The following PRR15L variants were observed in gnomAD, a reference collection of about 807,000 sequenced individuals.
PRR15L encodes the protein proline-rich protein 15-like protein.
A neutral mutation model predicts 3.7 loss-of-function variants in PRR15L; 1 was observed. The observed-to-expected ratio is 0.27, with a 90% CI of 0.09 to 1.27. The LOEUF (loss-of-function observed/expected upper bound fraction) is 1.27, where lower values mean the gene tolerates loss of function less well. Ranked by LOEUF, PRR15L falls within the 50% of genes most tolerant of loss-of-function variation. The probability of loss-of-function intolerance (pLI) is 0.47; values close to 1 mark genes in which losing one functional copy is unlikely to be tolerated. For missense variants in PRR15L, 127 were observed against 128.7 expected (o/e 0.99, Z 0.06); for synonymous variants, 57 against 51.9 (o/e 1.10, Z -0.42).
intron 1 of PRR15L, 147 bp from the exon 2 acceptor site, chr17:47,953,410 G>A (rs969875385): frequency 1.4e-5 from 8 of 570,382 alleles, no homozygotes; most frequent in Non-Finnish European, 2.4e-5. Flanking sequence ...TATAATCCCG[G>A]CACTTTGGGA....
In PRR15L at chr17:47,952,620, C is replaced by A; in HGVS notation, c.*303G>T. The A allele has an allele frequency of 3.3e-6, 1 of 305,232 alleles. No homozygotes were observed. Among genetic ancestry groups the A allele is most frequent in the South Asian group, 7.1e-5 (1 of 14,070 alleles). The allele number at this position is 305,232 out of a possible 1,614,324, so 18.9% of individuals were successfully genotyped here. On this transcript the variant is annotated 3_prime_UTR_variant, in exon 2 of 2. Transcript: ENST00000300557. ...CACTCTCTCCATTCCCTGCCATGCC[C>A]ACCTCCCTGCTGGCCCTGCCATTGC...
chr17:47,955,384 G>A (rs542729473), intron 1 of PRR15L, among the ~76,000 whole-genome samples: 3 of 152,200 alleles, frequency 2.0e-5, no homozygotes, highest in South Asian at 2.1e-4. Context: ...TAGACTTTAC[G>A]ATGAGCTGAA....
intron 1 of PRR15L, among the ~76,000 whole-genome samples, chr17:47,956,327 G>A (rs4793731): frequency 0.27 from 41,665 of 152,112 alleles, 6,386 homozygotes; most frequent in Admixed American, 0.4. Flanking sequence ...AAAAAATTAG[G>A]CGGATGTTGT....
intron 1 of PRR15L, among the ~76,000 whole-genome samples, chr17:47,956,308 C>T (rs751757085): frequency 1.3e-5 from 2 of 152,162 alleles, no homozygotes; most frequent in Non-Finnish European, 2.9e-5. Context: ...ACTAAAAACA[C>T]AAAAACACAA....
chr17:47,956,451 G>A (rs537974471), intron 1 of PRR15L, among the ~76,000 whole-genome samples: 1 of 152,274 alleles, frequency 6.6e-6, no homozygotes, highest in South Asian at 2.1e-4. Context: ...CAGCCTGGGC[G>A]ACACAGTGAG....
At position 47,953,243 on chromosome 17, in the gene PRR15L, C is replaced by G. The variant is rs1598206064; in HGVS notation, c.-9G>C. 1 of 1,555,244 alleles carries G rather than the reference C, an allele frequency of 6.4e-7. No homozygotes were observed. Among genetic ancestry groups the G allele is most frequent in the South Asian group, 1.2e-5 (1 of 81,752 alleles). ...CCAATTTCAGTCGTCATGGCGCTCC[C>G]TAAGCCAAGGATGGGGCTTTCTGCT... is the stretch of plus-strand genomic sequence containing the variant. On this transcript the variant is annotated 5_prime_UTR_variant, in exon 2 of 2. Coordinates refer to ENST00000300557, the MANE Select transcript of PRR15L (RefSeq NM_024320.4).
intron 1 of PRR15L, among the ~76,000 whole-genome samples, chr17:47,955,515 C>T (rs2036119304): frequency 6.6e-6 from 1 of 152,074 alleles, no homozygotes; most frequent in Admixed American, 6.6e-5. Flanking sequence ...ATTGCCAGCT[C>T]TGTCCCTTTA....
chr17:47,955,100 T>C (rs1312649037), intron 1 of PRR15L, among the ~76,000 whole-genome samples: 1 of 152,012 alleles, frequency 6.6e-6, no homozygotes, highest in Non-Finnish European at 1.5e-5. Flanking sequence ...CGGCTAATTT[T>C]GTATTTTTAG....
Position 47,952,909 on chromosome 17 carries a change from C to G in PRR15L, c.*14G>C. ...GGCAGGGAGCCAAGAGGTGCTAGCA[C>G]CCTCCTCAGCCCTTCACTTTGATGA... On this transcript the variant is annotated 3_prime_UTR_variant, in exon 2 of 2. Transcript: ENST00000300557. 1 of 1,604,168 alleles carries G rather than the reference C, an allele frequency of 6.2e-7. No individual in the cohort carries two copies. The highest frequency in any genetic ancestry group is 1.1e-5 in the South Asian group (1 of 89,974).
intron 1 of PRR15L, among the ~76,000 whole-genome samples, chr17:47,955,905 G>A (rs2036123322): frequency 6.6e-6 from 1 of 152,248 alleles, no homozygotes; most frequent in Non-Finnish European, 1.5e-5. Flanking sequence ...CAGCTCCTGA[G>A]ACTATCATAA....
intron 1 of PRR15L, among the ~76,000 whole-genome samples, chr17:47,953,656 CA>C (rs35835097): frequency 0.35 from 45,306 of 129,790 alleles, 7,298 homozygotes; most frequent in East Asian, 0.51. Context: ...GAGACTATCT[CA>C]AAAAAAAAAA....
At chr17:47,955,685 C>T (rs1439049603) in intron 1 of PRR15L, among the ~76,000 whole-genome samples, 1 of 152,148 alleles carries the variant, frequency 6.6e-6, no homozygotes, top group Admixed American at 6.5e-5. Flanking sequence ...GGCAGCTTGC[C>T]CCACCTGGGC....
intron 1 of PRR15L, among the ~76,000 whole-genome samples, chr17:47,956,978 T>C (rs2036137096): frequency 6.6e-6 from 1 of 152,252 alleles, no homozygotes; most frequent in African/African-American, 2.4e-5. Context: ...AATCCAGGGA[T>C]GATGGAAATC....
intron 1 of PRR15L, among the ~76,000 whole-genome samples, 152 bp downstream of exon 1, chr17:47,957,505 C>T (rs1311205429): frequency 2.6e-5 from 4 of 152,182 alleles, no homozygotes. Context: ...GGATTGACTC[C>T]AAGAGGCCAG....
Position 47,952,975 on chromosome 17 carries a change from GC to G in PRR15L, c.259del (p.Ala87GlnfsTer49), listed in dbSNP as rs766823501. ...KEKKKVRATL[A>X]ENPNLFDDHE... The stretch of plus-strand genomic sequence containing the variant: ...ATCATCAAAGAGGTTAGGGTTCTCT[GC>G]CAGCGTGGCTCTCACTTTCTTCTTC... On this transcript the variant is annotated frameshift_variant, in exon 2 of 2. Transcript: ENST00000300557. LOFTEE classifies it high-confidence loss of function. 1.2e-6 allele frequency: 2 copies of G among 1,614,138 alleles called. No homozygotes were observed. The highest frequency in any genetic ancestry group is 1.6e-4 in the Middle Eastern group (1 of 6,062).
At chr17:47,954,994 A>C (rs2036112713) in intron 1 of PRR15L, among the ~76,000 whole-genome samples, 2 of 145,476 alleles carry the variant, frequency 1.4e-5, no homozygotes, top group African/African-American at 2.6e-5. Flanking sequence ...AAATGGCATG[A>C]TCTCGGCTCA....
rs1422193134 is a variant in PRR15L at position 47,953,125 on chromosome 17, G to A, written c.110C>T (p.Ala37Val). The change falls in exon 2 of 2, where the codon GCA becomes GTA. Residue 37 changes from alanine (A) to valine (V), a missense_variant. Ala to Val is a moderately conservative substitution (Grantham distance 64). Transcript: ENST00000300557. ...PDTYAQTEGD[A>V]EPPRPDAGGP... is the part of the protein sequence containing the mutation. ...TCCAGCGTCAGGCCTCGGGGGTTCT[G>A]CATCTCCCTCTGTTTGGGCATAGGT... 1 of 1,614,116 alleles carries A rather than the reference G, an allele frequency of 6.2e-7. No homozygotes were observed. The highest frequency in any genetic ancestry group is 2.2e-5 in the East Asian group (1 of 44,880).
chr17:47,955,481 CTCTG>C (rs2036118949), intron 1 of PRR15L, among the ~76,000 whole-genome samples: 1 of 151,986 alleles, frequency 6.6e-6, no homozygotes, highest in Admixed American at 6.6e-5. Flanking sequence ...CTTCCCACCT[CTCTG>C]TCTGGGAAGC....
chr17:47,953,207 G>T lies in PRR15L; in HGVS notation c.28C>A (p.Leu10Met). ...GATTTCTTTTTCCGGAGGAAAGTCA[G>T]CTTCCACCAACCAATTTCAGTCGTC... The part of the protein sequence containing the change: MTTEIGWWK[L>M]TFLRKKKSTP... The change falls in exon 2 of 2, where the codon CTG becomes ATG. Residue 10 changes from leucine to methionine, a missense_variant. By Grantham distance (15) the Leu-to-Met change is conservative. Coordinates refer to ENST00000300557, the MANE Select transcript of PRR15L (RefSeq NM_024320.4). The T allele has an allele frequency of 6.3e-7, 1 of 1,591,120 alleles. No individual in the cohort carries two copies. The highest frequency in any genetic ancestry group is 8.6e-7 in the Non-Finnish European group (1 of 1,166,800).
Sources: allele counts gnomAD v4.1 joint callset (sites outside exome capture counted in the v4.1 genomes callset), GRCh38; gene constraint gnomAD v4.1.1; transcripts MANE v1.5; gene names NCBI Gene and HGNC (gene_info 2026-07-23, HGNC 2026-07-21).